PTPRN2: variants seen among roughly 807,000 people sequenced by gnomAD.
The protein encoded by PTPRN2 is protein tyrosine phosphatase receptor type N2.
A neutral mutation model predicts 118.8 loss-of-function variants in PTPRN2; 74 were observed. The ratio of observed to expected loss-of-function variants is 0.62; its 90% CI spans 0.52 to 0.76. PTPRN2 has a LOEUF of 0.76. Among genes scored for constraint, PTPRN2 ranks in the 30% least tolerant of loss-of-function variants. The probability of loss-of-function intolerance (pLI) is 0.00; values close to 1 mark genes in which losing one functional copy is unlikely to be tolerated. For missense variants in PTPRN2, 1,481 were observed against 1,394.4 expected (o/e 1.06, Z -0.99); for synonymous variants, 641 against 608.0 (o/e 1.05, Z -0.80).
intron 12 of PTPRN2, among the ~76,000 whole-genome samples, chr7:157,699,190 C>T (rs1024402284): frequency 1.3e-5 from 2 of 152,282 alleles, no homozygotes; most frequent in Non-Finnish European, 2.9e-5. Context: ...TTAGCCATGT[C>T]CTGTTCACAT....
chr7:158,272,682 G>T (rs1271332617), intron 3 of PTPRN2, among the ~76,000 whole-genome samples: 1 of 152,146 alleles, frequency 6.6e-6, no homozygotes, highest in African/African-American at 2.4e-5. Context: ...GTGAGGGGAG[G>T]TCTCAGCGCC....
intron 2 of PTPRN2, among the ~76,000 whole-genome samples, chr7:158,407,179 C>T (rs376025554): frequency 1.7e-4 from 8 of 48,138 alleles, no homozygotes; most frequent in Admixed American, 8.7e-4. Context: ...CTGCGTCCTG[C>T]GTCCTGGGTC....
At chr7:157,608,111 A>C (rs1802112697) in intron 15 of PTPRN2, among the ~76,000 whole-genome samples, 1 of 152,090 alleles carries the variant, frequency 6.6e-6, no homozygotes, top group African/African-American at 2.4e-5. Context: ...TCCGTCACCC[A>C]AGCTCAAGTG....
intron 2 of PTPRN2, among the ~76,000 whole-genome samples, chr7:158,390,677 G>A (rs967452151): frequency 1.3e-5 from 2 of 152,184 alleles, no homozygotes; most frequent in African/African-American, 2.4e-5. Flanking sequence ...GGCTTGCCCC[G>A]TCCCAGAGGG....
intron 2 of PTPRN2, among the ~76,000 whole-genome samples, chr7:158,390,663 G>A (rs1192236534): frequency 6.6e-6 from 1 of 152,212 alleles, no homozygotes; most frequent in Non-Finnish European, 1.5e-5. Context: ...CCACTGCCCG[G>A]CCAGGCTTGC....
At chr7:158,394,407 A>C (rs1278893895) in intron 2 of PTPRN2, among the ~76,000 whole-genome samples, 3 of 152,214 alleles carry the variant, frequency 2.0e-5, no homozygotes, top group Non-Finnish European at 4.4e-5. Flanking sequence ...AGGTGTGTGC[A>C]GGGAACACCT....
intron 9 of PTPRN2, among the ~76,000 whole-genome samples, chr7:158,122,268 G>A (rs1817234033): frequency 1.3e-5 from 2 of 152,192 alleles, no homozygotes; most frequent in Admixed American, 1.3e-4. Flanking sequence ...TGGCAAGTTT[G>A]TGACGTCTCT....
chr7:157,899,367 T>C (rs969041916), intron 11 of PTPRN2, among the ~76,000 whole-genome samples: 9 of 152,184 alleles, frequency 5.9e-5, no homozygotes, highest in African/African-American at 2.2e-4. Context: ...AATTAGCAGA[T>C]GGAAATGAAA....
Position 158,192,329 on chromosome 7 carries a change from C to G in PTPRN2, c.547G>C (p.Glu183Gln). 1 of 1,472,402 alleles carries G rather than the reference C, an allele frequency of 6.8e-7. No homozygotes were observed. Among genetic ancestry groups the G allele is most frequent in the Non-Finnish European group, 8.9e-7 (1 of 1,118,878 alleles). 91.2% of individuals were successfully genotyped at this position (1,472,402 alleles called of 1,614,324 possible). Residue 183 changes from glutamate to glutamine, a missense_variant and splice_region_variant, in exon 5 of 23, where the codon GAG becomes CAG. By Grantham distance (29) the Glu-to-Gln change is conservative. Transcript: ENST00000389418. ...CGGGGAGGAAGTGGAAGGGTCACCTCAGCGGGGGGTCTGTCCTGCGCCGTA... is the reference window on the plus strand; with the variant it reads ...CGGGGAGGAAGTGGAAGGGTCACCTGAGCGGGGGGTCTGTCCTGCGCCGTA... ...THTAQDRPPA[E>Q]GDDRFSESIL... is the part of the protein sequence containing the mutation.
chr7:158,499,746 G>A (rs1282833610), intron 1 of PTPRN2, among the ~76,000 whole-genome samples: 2 of 152,000 alleles, frequency 1.3e-5, no homozygotes, highest in Non-Finnish European at 2.9e-5. Context: ...ACTCCAGCCT[G>A]GGTGACGGAG....
chr7:157,750,003 A>T (rs1801364589), intron 12 of PTPRN2, among the ~76,000 whole-genome samples: 1 of 151,458 alleles, frequency 6.6e-6, no homozygotes, highest in Non-Finnish European at 1.5e-5. Flanking sequence ...TGTGTCCCTG[A>T]GCTGTAGACT....
At chr7:158,082,477 C>T (rs185250534) in intron 10 of PTPRN2, among the ~76,000 whole-genome samples, 3 of 152,360 alleles carry the variant, frequency 2.0e-5, no homozygotes, top group Non-Finnish European at 4.4e-5. Flanking sequence ...CCAGCTCCTC[C>T]ATGTGCAAGC....
intron 2 of PTPRN2, among the ~76,000 whole-genome samples, chr7:158,339,783 A>C: frequency 2.0e-5 from 2 of 101,744 alleles, no homozygotes; most frequent in African/African-American, 3.7e-5. Flanking sequence ...TCACACCCAC[A>C]CTCTCACCAT....
chr7:158,129,503 G>A (rs1160171926), intron 9 of PTPRN2, among the ~76,000 whole-genome samples: 1 of 121,714 alleles, frequency 8.2e-6, no homozygotes, highest in African/African-American at 2.8e-5. Context: ...CACACACCAT[G>A]CAACATACTA....
intron 13 of PTPRN2, among the ~76,000 whole-genome samples, chr7:157,677,157 C>G (rs1452273307): frequency 6.6e-6 from 1 of 152,192 alleles, no homozygotes; most frequent in African/African-American, 2.4e-5. Context: ...AGCAGTTATT[C>G]GAGTCATACC....
intron 7 of PTPRN2, among the ~76,000 whole-genome samples, chr7:158,137,692 T>C (rs1321671062): frequency 6.6e-6 from 1 of 152,124 alleles, no homozygotes; most frequent in Non-Finnish European, 1.5e-5. Context: ...TCTGCACCCG[T>C]GCAGAGAGAG....
chr7:157,858,282 CGG>C (rs2151223952), intron 12 of PTPRN2, among the ~76,000 whole-genome samples: 1 of 2,796 alleles, frequency 3.6e-4, no homozygotes, highest in Non-Finnish European at 6.2e-4. Flanking sequence ...GGGAGAGCCC[CGG>C]CCACCACCCA....
intron 3 of PTPRN2, among the ~76,000 whole-genome samples, chr7:158,268,512 G>A (rs1230798137): frequency 7.4e-6 from 1 of 134,380 alleles, no homozygotes; most frequent in Non-Finnish European, 1.6e-5. Context: ...CACAAACAGG[G>A]CGGGTGTGAA....
chr7:158,277,203 A>G (rs981942852), intron 3 of PTPRN2, among the ~76,000 whole-genome samples: 1 of 152,216 alleles, frequency 6.6e-6, no homozygotes, highest in Admixed American at 6.5e-5. Context: ...TTTCTCTTGC[A>G]CTGTTGCTTT....
Sources: allele counts gnomAD v4.1 joint callset (sites outside exome capture counted in the v4.1 genomes callset), GRCh38; gene constraint gnomAD v4.1.1; transcripts MANE v1.5; gene names NCBI Gene and HGNC (gene_info 2026-07-23, HGNC 2026-07-21).